The following CSMD3 variants were observed in gnomAD, a reference collection of about 807,000 sequenced individuals.
The protein encoded by CSMD3 is CUB and Sushi multiple domains 3, also known as CUB and sushi domain-containing protein 3.
Under a neutral mutation model 435.2 loss-of-function variants are expected in CSMD3, and 177 were observed. The ratio of observed to expected loss-of-function variants is 0.41; its 90% confidence interval spans 0.36 to 0.46. CSMD3 has a LOEUF of 0.46. CSMD3 is among the 20% of genes least tolerant of loss of function. The pLI, the probability that CSMD3 is intolerant of heterozygous loss-of-function variation, is 0.34. For missense variants in CSMD3, 4,265 were observed against 4,504.6 expected (o/e 0.95, Z 1.52); for synonymous variants, 1,656 against 1,520.5 (o/e 1.09, Z -2.07).
At chr8:112,615,572 A>C (rs1833603789) in intron 22 of CSMD3, among the ~76,000 whole-genome samples, 1 of 152,132 alleles carries the variant, frequency 6.6e-6, no homozygotes, top group African/African-American at 2.4e-5. Flanking sequence ...GTTGGACAAC[A>C]TATAGAATAC....
At chr8:113,402,304 G>A (rs2094513953) in intron 1 of CSMD3, among the ~76,000 whole-genome samples, 1 of 151,276 alleles carries the variant, frequency 6.6e-6, no homozygotes, top group Non-Finnish European at 1.5e-5. Flanking sequence ...ACTAATTTGA[G>A]TTTGACTGTC....
chr8:112,292,879 T>C (rs1040697039), intron 54 of CSMD3, among the ~76,000 whole-genome samples, 169 bp from the exon 55 acceptor site: 1 of 152,108 alleles, frequency 6.6e-6, no homozygotes, highest in Admixed American at 6.6e-5. Flanking sequence ...ATGAACAAAG[T>C]AGAATGTCAA....
intron 38 of CSMD3, among the ~76,000 whole-genome samples, chr8:112,379,985 G>T (rs562679516): frequency 6.6e-6 from 1 of 152,278 alleles, no homozygotes; most frequent in East Asian, 1.9e-4. Flanking sequence ...AGGGGGAAAT[G>T]AAGAGCTGTG....
chr8:113,173,443 T>G (rs2131887781), intron 4 of CSMD3, among the ~76,000 whole-genome samples: 1 of 152,194 alleles, frequency 6.6e-6, no homozygotes, highest in Middle Eastern at 3.4e-3. Flanking sequence ...TGCCTCAGCC[T>G]CCTGAGTAGC....
intron 25 of CSMD3, among the ~76,000 whole-genome samples, chr8:112,556,230 C>T (rs1828105005): frequency 6.6e-6 from 1 of 151,834 alleles, no homozygotes; most frequent in African/African-American, 2.4e-5. Context: ...AATGGTACCC[C>T]AGCTATGCAA....
chr8:112,939,043 C>T (rs2083371490), intron 9 of CSMD3, among the ~76,000 whole-genome samples: 1 of 151,936 alleles, frequency 6.6e-6, no homozygotes, highest in Non-Finnish European at 1.5e-5. Flanking sequence ...ATTATATCAC[C>T]TCTTAATTCA....
intron 1 of CSMD3, among the ~76,000 whole-genome samples, chr8:113,361,924 C>T (rs1441936558): frequency 3.9e-5 from 6 of 152,066 alleles, no homozygotes; most frequent in Non-Finnish European, 7.4e-5. Flanking sequence ...TCCTATTTTG[C>T]ATGAACATGT....
chr8:112,857,769 C>A (rs184040941), intron 11 of CSMD3, among the ~76,000 whole-genome samples: 17 of 151,368 alleles, frequency 1.1e-4, no homozygotes, highest in Admixed American at 7.9e-4. Flanking sequence ...TAGAAAAAAA[C>A]TACTGAGAAT....
intron 27 of CSMD3, among the ~76,000 whole-genome samples, chr8:112,538,254 A>G (rs559551515): frequency 6.2e-4 from 94 of 152,222 alleles, no homozygotes; most frequent in African/African-American, 2.1e-3. Context: ...AAACAGGGAA[A>G]TGTCGACAGC....
intron 10 of CSMD3, among the ~76,000 whole-genome samples, chr8:112,879,646 G>C (rs1001913366): frequency 6.6e-6 from 1 of 152,002 alleles, no homozygotes; most frequent in Non-Finnish European, 1.5e-5. Flanking sequence ...GCCTCCCCCA[G>C]ACACCCAGCT....
intron 4 of CSMD3, among the ~76,000 whole-genome samples, chr8:113,105,408 T>C (rs1282468997): frequency 6.6e-6 from 1 of 152,130 alleles, no homozygotes. Context: ...AGCAATGGAA[T>C]GTTAGTCATA....
At chr8:112,503,692 T>G in intron 30 of CSMD3, 98 bp downstream of exon 30, 1 of 805,166 alleles carries the variant, frequency 1.2e-6, no homozygotes, top group South Asian at 1.7e-5. Context: ...AAAATACACA[T>G]AAAACTAACC....
chr8:113,284,409 A>T (rs900197619), intron 2 of CSMD3, among the ~76,000 whole-genome samples: 1 of 152,184 alleles, frequency 6.6e-6, no homozygotes. Context: ...TTGAAACATC[A>T]TAAGAATATA....
intron 1 of CSMD3, among the ~76,000 whole-genome samples, chr8:113,317,387 A>G (rs1444165802): frequency 6.6e-6 from 1 of 152,168 alleles, no homozygotes; most frequent in East Asian, 1.9e-4. Context: ...CTCAAGCCCC[A>G]TAACCCTGAT....
In CSMD3 at chr8:113,173,750, C is replaced by A. The variant is rs764437033; in HGVS notation, c.681G>T (p.Ser227=). 2 of 1,613,482 alleles carry A rather than the reference C, an allele frequency of 1.2e-6. No homozygotes were observed. The highest frequency in any genetic ancestry group is 1.7e-6 in the Non-Finnish European group (2 of 1,179,534). ...TCIANSVNTA[S]WDFPVPICRA... ...TACAGATAGGAACAGGAAAATCCCACGAAGCTGTATTAACTGAATTGGCTA... is the reference window on the plus strand; with the variant it reads ...TACAGATAGGAACAGGAAAATCCCAAGAAGCTGTATTAACTGAATTGGCTA... Residue 227 remains serine (S), a synonymous_variant, in exon 4 of 71, where the codon TCG becomes TCT. Transcript: ENST00000297405.
intron 13 of CSMD3, among the ~76,000 whole-genome samples, chr8:112,792,202 A>C (rs1208583765): frequency 6.6e-6 from 1 of 152,132 alleles, no homozygotes; most frequent in South Asian, 2.1e-4. Flanking sequence ...CCAATTTATC[A>C]ATTTTTTTAA....
chr8:112,273,241 G>A (rs1336983087), intron 59 of CSMD3, among the ~76,000 whole-genome samples: 1 of 151,572 alleles, frequency 6.6e-6, no homozygotes, highest in Non-Finnish European at 1.5e-5. Context: ...ATAAAAGATT[G>A]AGTTATTTAT....
At position 112,283,495 on chromosome 8, in the gene CSMD3, T is replaced by G. The variant is rs1433861023; in HGVS notation, c.9332-2145A>C. Among the ~76,000 whole-genome samples, 3 of 151,822 alleles carry G rather than the reference T, an allele frequency of 2.0e-5. No homozygotes were observed. In the East Asian group the frequency reaches 5.8e-4, roughly 29 times the overall value. On this transcript the variant is annotated intron_variant, in intron 58 of 70. Coordinates refer to ENST00000297405, the MANE Select transcript of CSMD3 (RefSeq NM_198123.2). ...TTTATATATGCATATGTGTATATGA[T>G]TATGTATTAATATGAATATAATTAT...
At chr8:112,594,108 G>A (rs1356898393) in intron 22 of CSMD3, among the ~76,000 whole-genome samples, 9 of 152,136 alleles carry the variant, frequency 5.9e-5, no homozygotes, top group Non-Finnish European at 8.8e-5. Context: ...CTGAGGTACC[G>A]GGTTCATCTC....
Sources: allele counts gnomAD v4.1 joint callset (sites outside exome capture counted in the v4.1 genomes callset), GRCh38; gene constraint gnomAD v4.1.1; transcripts MANE v1.5; gene names NCBI Gene and HGNC (gene_info 2026-07-23, HGNC 2026-07-21).